COL11A1: variants seen among roughly 807,000 people sequenced by gnomAD.
COL11A1 encodes collagen alpha-1(XI) chain.
COL11A1 carries 74 observed loss-of-function variants against 265.2 expected under a neutral mutation model. That is an observed-to-expected ratio of 0.28 (90% confidence interval 0.23 to 0.34). COL11A1 has a LOEUF of 0.34. Ranked by LOEUF, COL11A1 falls within the 10% of genes least tolerant of loss-of-function variation. COL11A1 has a pLI of 1.00. For missense variants in COL11A1, 2,165 were observed against 2,263.6 expected (o/e 0.96, Z 0.88); for synonymous variants, 816 against 727.6 (o/e 1.12, Z -1.96).
At chr1:103,090,688 T>C (rs2102365551) in intron 1 of COL11A1, among the ~76,000 whole-genome samples, 1 of 152,326 alleles carries the variant, frequency 6.6e-6, no homozygotes, top group South Asian at 2.1e-4. Context: ...CATAGAATGG[T>C]GTCTAATGCA....
rs747134509 is a variant in COL11A1, at chr1:102,934,332, T to G, written c.3600+117A>C. ...ATAAAATGATCTTTATGGATAAACA[T>G]TGTACCCAAGTTCTTACGTAGAAAA... On this transcript the variant is annotated intron_variant, in intron 46 of 66. Coordinates refer to ENST00000370096, the MANE Select transcript of COL11A1 (RefSeq NM_001854.4). The G allele has an allele frequency of 7.1e-6, 5 of 706,744 alleles. No homozygotes were observed. In the African/African-American group the frequency reaches 7.2e-5, roughly 10 times the overall value. The allele number at this position is 706,744 out of a possible 1,614,324, so 43.8% of individuals were successfully genotyped here. A position where few individuals can be genotyped will look rare whatever the true frequency, so the allele number is the denominator to read the frequency against.
chr1:103,081,815 G>T (rs957671305), intron 2 of COL11A1, among the ~76,000 whole-genome samples: 25 of 152,062 alleles, frequency 1.6e-4, no homozygotes, highest in African/African-American at 6.0e-4. Flanking sequence ...CAAAGTGCCA[G>T]AAAGGACCAT....
intron 6 of COL11A1, 40 bp downstream of exon 6, chr1:103,026,176 C>T (rs532914054): frequency 1.4e-6 from 2 of 1,409,554 alleles, no homozygotes; most frequent in East Asian, 4.6e-5. Context: ...GGATGACGAA[C>T]AGCAGGACAC....
chr1:103,049,491 A>G (rs1669604816), intron 4 of COL11A1, among the ~76,000 whole-genome samples: 1 of 152,070 alleles, frequency 6.6e-6, no homozygotes, highest in Non-Finnish European at 1.5e-5. Flanking sequence ...GCCTATGTGT[A>G]TCTCTGCAGG....
chr1:102,926,896 T>A (rs2101111753), intron 46 of COL11A1, among the ~76,000 whole-genome samples: 1 of 152,288 alleles, frequency 6.6e-6, no homozygotes, highest in East Asian at 1.9e-4. Flanking sequence ...TGTTTACGTA[T>A]AATTGTCTAA....
intron 5 of COL11A1, among the ~76,000 whole-genome samples, chr1:103,028,958 A>G (rs1667772750): frequency 6.6e-6 from 1 of 152,122 alleles, no homozygotes; most frequent in East Asian, 1.9e-4. Context: ...TTTTAATATT[A>G]GCTTGTCACC....
chr1:102,912,664 T>C (rs549943070), intron 53 of COL11A1, among the ~76,000 whole-genome samples: 23 of 152,330 alleles, frequency 1.5e-4, no homozygotes, highest in African/African-American at 5.5e-4. Context: ...GCTGTGTCCC[T>C]ACCCAAATCT....
At chr1:103,071,025 T>C (rs570379691) in intron 4 of COL11A1, among the ~76,000 whole-genome samples, 1 of 152,088 alleles carries the variant, frequency 6.6e-6, no homozygotes, top group South Asian at 2.1e-4. Flanking sequence ...AATAGCATAG[T>C]TGTTATAAAT....
At chr1:102,905,241 G>A (rs1215166790) in intron 54 of COL11A1, among the ~76,000 whole-genome samples, 2 of 101,008 alleles carry the variant, frequency 2.0e-5, no homozygotes, top group South Asian at 4.4e-4. Context: ...GGGGAGGGGG[G>A]AGGGATAGCA....
At chr1:102,893,036 T>C (rs754342348) in intron 57 of COL11A1, among the ~76,000 whole-genome samples, 6 of 152,172 alleles carry the variant, frequency 3.9e-5, no homozygotes, top group African/African-American at 1.4e-4. Flanking sequence ...CTTTCAAGTA[T>C]ATAGTTATCT....
intron 4 of COL11A1, among the ~76,000 whole-genome samples, chr1:103,054,332 A>G (rs991032124): frequency 2.7e-4 from 41 of 152,220 alleles, no homozygotes; most frequent in African/African-American, 9.6e-4. Context: ...CTTAACACCC[A>G]TAAGTAAACT....
At chr1:102,968,834 T>C (rs1343028372) in intron 37 of COL11A1, among the ~76,000 whole-genome samples, 1 of 152,212 alleles carries the variant, frequency 6.6e-6, no homozygotes, top group African/African-American at 2.4e-5. Flanking sequence ...CAATGTTATA[T>C]GTGATATAAT....
chr1:103,058,248 T>C (rs2102180145), intron 4 of COL11A1, among the ~76,000 whole-genome samples: 2 of 152,284 alleles, frequency 1.3e-5, no homozygotes, highest in African/African-American at 4.8e-5. Context: ...TTCTGAAGCT[T>C]CCTCACTTCT....
intron 28 of COL11A1, among the ~76,000 whole-genome samples, chr1:102,993,899 G>A (rs1664369215): frequency 6.6e-6 from 1 of 151,872 alleles, no homozygotes; most frequent in African/African-American, 2.4e-5. Context: ...ATGGTTTATT[G>A]AATCCATGGA....
chr1:102,891,906 CA>C (rs947739466), intron 57 of COL11A1, among the ~76,000 whole-genome samples: 1 of 151,936 alleles, frequency 6.6e-6, no homozygotes, highest in African/African-American at 2.4e-5. Flanking sequence ...CAAAACAAAA[CA>C]CAAAAACACA....
At chr1:102,946,339 C>G (rs200588804) in intron 42 of COL11A1, among the ~76,000 whole-genome samples, 1 of 129,436 alleles carries the variant, frequency 7.7e-6, no homozygotes. Context: ...AACCCCCCCC[C>G]AAAAAATGTT....
At position 102,935,072 on chromosome 1, in the gene COL11A1, G is replaced by A; in HGVS notation, c.3480C>T (p.Ala1160=). ...GPPGLQGPVG[A]PGIAGGDGEP... ...GTGGAATACTCACAGCAATTCCAGGGGCACCAACTGGTCCTTGAAGACCTG... is the reference window on the plus strand; with the variant it reads ...GTGGAATACTCACAGCAATTCCAGGAGCACCAACTGGTCCTTGAAGACCTG... The change falls in exon 45 of 67, where the codon GCC becomes GCT. Residue 1160 remains alanine, a synonymous_variant. Coordinates refer to ENST00000370096, the MANE Select transcript of COL11A1 (RefSeq NM_001854.4). 6.2e-7 allele frequency: 1 copy of A among 1,614,006 alleles called. No individual in the cohort carries two copies. The highest frequency in any genetic ancestry group is 8.5e-7 in the Non-Finnish European group (1 of 1,179,948).
At chr1:102,934,185 G>C (rs1657903563) in intron 46 of COL11A1, among the ~76,000 whole-genome samples, 1 of 152,182 alleles carries the variant, frequency 6.6e-6, no homozygotes, top group South Asian at 2.1e-4. Flanking sequence ...AGTGAAGAAA[G>C]GAAGTGTAAT....
chr1:102,891,997 A>C (rs10874662), intron 57 of COL11A1, among the ~76,000 whole-genome samples: 76,088 of 152,010 alleles, frequency 0.5, 22,868 homozygotes, highest in Admixed American at 0.67. Flanking sequence ...ATACAAGTGA[A>C]ACTACGCAGG....
Sources: gnomAD v4.1 joint callset for allele counts (sites outside exome capture counted in the v4.1 genomes callset) on GRCh38, gnomAD v4.1.1 for gene constraint, MANE v1.5 for transcripts, NCBI Gene and HGNC (gene_info 2026-07-23, HGNC 2026-07-21) for gene names.